The following KCTD16 variants were observed in gnomAD, a reference collection of about 807,000 sequenced individuals.
KCTD16 encodes potassium channel tetramerization domain containing 16, also known as BTB/POZ domain-containing protein KCTD16.
A neutral mutation model predicts 33.2 loss-of-function variants in KCTD16; 13 were observed. That is an observed-to-expected ratio of 0.39 (90% CI 0.25 to 0.62). KCTD16 has a LOEUF of 0.62. KCTD16 is among the 20% of genes least tolerant of loss of function. KCTD16 has a pLI of 0.50. For missense variants in KCTD16, 441 were observed against 525.1 expected (o/e 0.84, Z 1.57); for synonymous variants, 197 against 195.3 (o/e 1.01, Z -0.07).
rs553634197 is a variant in KCTD16, at chr5:144,174,370, C to T, written c.-429C>T. The T allele has an allele frequency of 1.3e-5, 2 of 152,150 alleles. No individual in the cohort carries two copies. The highest frequency in any genetic ancestry group is 4.8e-5 in the African/African-American group (2 of 41,428). The allele number at this position is 152,150 out of a possible 1,614,324, so 9.4% of individuals were successfully genotyped here. On this transcript the variant is annotated 5_prime_UTR_variant, in exon 2 of 4. Transcript: ENST00000512467. ...TTGAACATGGGCAGTTTTCTCCTACCGTCAGCTATATCCACAAGCATCACA... is the reference window on the plus strand; with the variant it reads ...TTGAACATGGGCAGTTTTCTCCTACTGTCAGCTATATCCACAAGCATCACA...
At chr5:144,341,712 A>G (rs1482900445) in intron 3 of KCTD16, among the ~76,000 whole-genome samples, 2 of 152,252 alleles carry the variant, frequency 1.3e-5, no homozygotes, top group Admixed American at 6.5e-5. Context: ...ACCCTGGCTC[A>G]TATTTTATCA....
At chr5:144,388,100 T>C (rs12187010) in intron 3 of KCTD16, among the ~76,000 whole-genome samples, 1 of 126,708 alleles carries the variant, frequency 7.9e-6, no homozygotes, top group Non-Finnish European at 1.6e-5. Context: ...TTTTTTGAGA[T>C]GGAGTCTCGC....
chr5:144,200,622 A>G lies in KCTD16; in HGVS notation c.-326-5767A>G, dbSNP rs62376820. Among the ~76,000 whole-genome samples, 585 of 152,378 alleles carry G rather than the reference A, an allele frequency of 3.8e-3. 4 individuals carry two copies. The highest frequency in any genetic ancestry group is 0.027 in the Middle Eastern group (8 of 294). The stretch of plus-strand genomic sequence containing the variant: ...GGTTTCATTTTATAGATATGGAAGC[A>G]GAGGCCATCTGAGGTTAAATGGTTT... On this transcript the variant is annotated intron_variant, in intron 2 of 3. Transcript: ENST00000512467.
intron 3 of KCTD16, among the ~76,000 whole-genome samples, chr5:144,230,217 G>T (rs1754061410): frequency 6.6e-6 from 1 of 152,204 alleles, no homozygotes; most frequent in Non-Finnish European, 1.5e-5. Flanking sequence ...GAAATGTATT[G>T]TATGGAATTG....
chr5:144,183,623 G>T (rs574616245), intron 2 of KCTD16, among the ~76,000 whole-genome samples: 1 of 152,094 alleles, frequency 6.6e-6, no homozygotes, highest in Admixed American at 6.5e-5. Flanking sequence ...CAGAAAACTC[G>T]CGGGACTAGT....
At position 144,207,196 on chromosome 5, in the gene KCTD16, G is replaced by T; in HGVS notation, c.482G>T (p.Arg161Leu). The T allele has an allele frequency of 6.2e-7, 1 of 1,613,272 alleles. No homozygotes were observed. The highest frequency in any genetic ancestry group is 8.5e-7 in the Non-Finnish European group (1 of 1,179,624). ...CCTTCCTCCCTGCTCCCTGCCGACCGCAAGTGGGGTTTCATTACTGTGGGT... is the reference window on the plus strand; with the variant it reads ...CCTTCCTCCCTGCTCCCTGCCGACCTCAAGTGGGGTTTCATTACTGTGGGT... ...CPPSSLLPAD[R>L]KWGFITVGYR... Residue 161 changes from arginine to leucine, a missense_variant, in exon 3 of 4, where the codon CGC becomes CTC. Arg to Leu is a moderately radical substitution (Grantham distance 102, BLOSUM62 -2). Coordinates refer to ENST00000512467, the MANE Select transcript of KCTD16 (RefSeq NM_020768.4).
intron 3 of KCTD16, among the ~76,000 whole-genome samples, chr5:144,270,959 G>T (rs888457791): frequency 6.6e-6 from 1 of 151,854 alleles, no homozygotes; most frequent in Non-Finnish European, 1.5e-5. Flanking sequence ...AACTTACCAT[G>T]ACTAAATCAT....
chr5:144,322,634 T>C (rs1561566768), intron 3 of KCTD16, among the ~76,000 whole-genome samples: 1 of 152,076 alleles, frequency 6.6e-6, no homozygotes, highest in Non-Finnish European at 1.5e-5. Flanking sequence ...TTTTATTTTT[T>C]TAAACCACTA....
rs1329165528 is a variant in KCTD16 at position 144,188,086 on chromosome 5, A to G, written c.-327+13614A>G. ...CAAGAGGCTCTGATAATCTGCCATCATTATAGGTTTCTTGCTTCTTATCAC... is the reference window on the plus strand; with the variant it reads ...CAAGAGGCTCTGATAATCTGCCATCGTTATAGGTTTCTTGCTTCTTATCAC... On this transcript the variant is annotated intron_variant, in intron 2 of 3. Transcript: ENST00000512467. Among the ~76,000 whole-genome samples the G allele has an allele frequency of 3.3e-5, 5 of 152,286 alleles. No individual in the cohort carries two copies. In the East Asian group the frequency reaches 5.8e-4, roughly 18 times the overall value.
chr5:144,274,765 C>A (rs1755396723), intron 3 of KCTD16, among the ~76,000 whole-genome samples: 1 of 152,098 alleles, frequency 6.6e-6, no homozygotes, highest in African/African-American at 2.4e-5. Context: ...CCAACCCAAC[C>A]CTTGCTTAAT....
At chr5:144,465,751 A>G (rs1754315095) in intron 3 of KCTD16, among the ~76,000 whole-genome samples, 1 of 148,758 alleles carries the variant, frequency 6.7e-6, no homozygotes, top group African/African-American at 2.5e-5. Context: ...AGGGTTCTGT[A>G]GCTCTTGAAC....
intron 2 of KCTD16, among the ~76,000 whole-genome samples, chr5:144,197,243 T>C (rs1226377559): frequency 1.3e-5 from 2 of 152,226 alleles, no homozygotes; most frequent in Non-Finnish European, 2.9e-5. Flanking sequence ...TAAACTTTTA[T>C]CCTAAAAGCA....
intron 3 of KCTD16, among the ~76,000 whole-genome samples, chr5:144,308,679 T>G (rs1234415038): frequency 2.0e-5 from 3 of 151,196 alleles, no homozygotes; most frequent in African/African-American, 7.3e-5. Flanking sequence ...CTGTCTGCAT[T>G]GCTGAGGCCC....
chr5:144,373,348 G>GTTAAT (rs1752012564), intron 3 of KCTD16, among the ~76,000 whole-genome samples: 1 of 152,168 alleles, frequency 6.6e-6, no homozygotes, highest in South Asian at 2.1e-4. Context: ...GTCAAGTACA[G>GTTAAT]TGATCCTAAG....
At chr5:144,242,854 G>T (rs1363738297) in intron 3 of KCTD16, among the ~76,000 whole-genome samples, 1 of 152,128 alleles carries the variant, frequency 6.6e-6, no homozygotes, top group Admixed American at 6.5e-5. Flanking sequence ...ATTCATGAGG[G>T]ATCTAACCCC....
chr5:144,324,772 G>T (rs1399238235), intron 3 of KCTD16, among the ~76,000 whole-genome samples: 1 of 152,230 alleles, frequency 6.6e-6, no homozygotes, highest in Non-Finnish European at 1.5e-5. Flanking sequence ...CATATCCTTT[G>T]CAGGGACATG....
At chr5:144,442,159 G>C (rs1013880243) in intron 3 of KCTD16, among the ~76,000 whole-genome samples, 1 of 152,052 alleles carries the variant, frequency 6.6e-6, no homozygotes, top group Admixed American at 6.6e-5. Flanking sequence ...TTTTGTTACT[G>C]CCCTTGGATC....
intron 3 of KCTD16, among the ~76,000 whole-genome samples, chr5:144,413,873 A>C (rs1286312489): frequency 6.6e-6 from 1 of 152,178 alleles, no homozygotes; most frequent in Non-Finnish European, 1.5e-5. Context: ...AATCTGGAGA[A>C]CCAGGTTCTG....
At chr5:144,420,513 T>C (rs891679505) in intron 3 of KCTD16, among the ~76,000 whole-genome samples, 2 of 139,320 alleles carry the variant, frequency 1.4e-5, no homozygotes, top group African/African-American at 3.1e-5. Flanking sequence ...CTTATTTAAA[T>C]GTGTGTGTGT....
Sources: allele counts gnomAD v4.1 joint callset (sites outside exome capture counted in the v4.1 genomes callset), GRCh38; gene constraint gnomAD v4.1.1; transcripts MANE v1.5; gene names NCBI Gene and HGNC (gene_info 2026-07-23, HGNC 2026-07-21).